ZFPM2: variants seen among roughly 807,000 people sequenced by gnomAD.
ZFPM2 encodes the protein zinc finger protein ZFPM2.
ZFPM2 carries 20 observed loss-of-function variants against 98.6 expected under a neutral mutation model. The observed-to-expected ratio is 0.20, with a 90% CI of 0.14 to 0.29. ZFPM2 has a LOEUF of 0.29. Among genes scored for constraint, ZFPM2 ranks in the 10% least tolerant of loss-of-function variants. The pLI is 1.00. For missense variants in ZFPM2, 1,310 were observed against 1,388.6 expected (o/e 0.94, Z 0.90); for synonymous variants, 518 against 502.7 (o/e 1.03, Z -0.41).
chr8:105,652,590 C>T (rs1245873023), intron 5 of ZFPM2, among the ~76,000 whole-genome samples: 1 of 152,072 alleles, frequency 6.6e-6, no homozygotes, highest in East Asian at 1.9e-4. Context: ...ATCTAGTACT[C>T]ACCATCATTG....
intron 2 of ZFPM2, among the ~76,000 whole-genome samples, chr8:105,438,450 T>C (rs1392618845): frequency 2.6e-5 from 4 of 152,242 alleles, no homozygotes; most frequent in African/African-American, 9.6e-5. Flanking sequence ...CATTTATCAA[T>C]TGAACTGGAT....
chr8:105,749,332 C>T (rs140487515), intron 5 of ZFPM2, among the ~76,000 whole-genome samples: 48 of 152,120 alleles, frequency 3.2e-4, no homozygotes, highest in African/African-American at 1.2e-3. Flanking sequence ...TAAAAAAAGA[C>T]TCCCTTGCAT....
chr8:105,363,270 A>G (rs924945222), intron 1 of ZFPM2, among the ~76,000 whole-genome samples: 4 of 152,180 alleles, frequency 2.6e-5, no homozygotes, highest in Non-Finnish European at 5.9e-5. Flanking sequence ...TGCTAAATAT[A>G]TATTTAATAG....
chr8:105,548,902 G>A (rs1357938067), intron 3 of ZFPM2, among the ~76,000 whole-genome samples: 1 of 152,150 alleles, frequency 6.6e-6, no homozygotes, highest in Non-Finnish European at 1.5e-5. Context: ...GGCATTGTAA[G>A]TGTTTAACAA....
At chr8:105,356,802 T>A (rs781257478) in intron 1 of ZFPM2, among the ~76,000 whole-genome samples, 1 of 152,170 alleles carries the variant, frequency 6.6e-6, no homozygotes, top group Non-Finnish European at 1.5e-5. Flanking sequence ...CCATTTCTAT[T>A]TCTTGCCTGC....
intron 1 of ZFPM2, among the ~76,000 whole-genome samples, chr8:105,380,515 T>G (rs1810825480): frequency 7.1e-6 from 1 of 141,336 alleles, no homozygotes; most frequent in Admixed American, 8.2e-5. Context: ...ATGATACTAC[T>G]ACATATGCAC....
chr8:105,801,651 G>C lies in ZFPM2; in HGVS notation c.1569G>C (p.Leu523=), dbSNP rs920629. The change falls in exon 8 of 8, where the codon CTG becomes CTC. Residue 523 remains leucine (L), a synonymous_variant. Coordinates refer to ENST00000407775, the MANE Select transcript of ZFPM2 (RefSeq NM_012082.4). Reference sequence around the variant, plus strand: ...AGATCTTAGCTAAGATGTCTGAACTGGTGCATCGGCGACTGAGGCATGGCA... The same window carrying C: ...AGATCTTAGCTAAGATGTCTGAACTCGTGCATCGGCGACTGAGGCATGGCA... ...ASEILAKMSE[L]VHRRLRHGSS... is the part of the protein sequence containing the mutation. The C allele has an allele frequency of 1.5e-4, 236 of 1,613,596 alleles. No homozygotes were observed. The African/African-American group carries it at 2.8e-3, about 19-fold the overall frequency.
chr8:105,626,914 T>C (rs534158801), intron 4 of ZFPM2, among the ~76,000 whole-genome samples: 18 of 148,576 alleles, frequency 1.2e-4, no homozygotes, highest in Non-Finnish European at 2.1e-4. Context: ...TGGAGGCCAA[T>C]TTTTTAATCA....
chr8:105,400,591 G>A (rs1811320723), intron 1 of ZFPM2, among the ~76,000 whole-genome samples: 1 of 152,248 alleles, frequency 6.6e-6, no homozygotes, highest in South Asian at 2.1e-4. Flanking sequence ...ATTGCTAAAT[G>A]TACTGGATGG....
intron 6 of ZFPM2, among the ~76,000 whole-genome samples, chr8:105,794,379 T>C (rs1378367474): frequency 3.3e-5 from 5 of 152,190 alleles, no homozygotes; most frequent in Admixed American, 3.3e-4. Flanking sequence ...AGCAGCGGTG[T>C]CTGCAGAACA....
chr8:105,685,495 A>G (rs1337742134), intron 5 of ZFPM2, among the ~76,000 whole-genome samples: 1 of 152,078 alleles, frequency 6.6e-6, no homozygotes, highest in Admixed American at 6.6e-5. Context: ...TATATTTTCT[A>G]CTCAAAAGAT....
chr8:105,673,418 A>G (rs1435687975), intron 5 of ZFPM2, among the ~76,000 whole-genome samples: 1 of 152,132 alleles, frequency 6.6e-6, no homozygotes, highest in Non-Finnish European at 1.5e-5. Flanking sequence ...TAAATCATTC[A>G]TGTTGGCATG....
chr8:105,742,102 G>A (rs1439490648), intron 5 of ZFPM2, among the ~76,000 whole-genome samples: 1 of 151,996 alleles, frequency 6.6e-6, no homozygotes, highest in Non-Finnish European at 1.5e-5. Flanking sequence ...GGGAGGCCAA[G>A]GCAGGATTGG....
At chr8:105,519,408 A>G (rs1814004039) in intron 3 of ZFPM2, among the ~76,000 whole-genome samples, 1 of 152,170 alleles carries the variant, frequency 6.6e-6, no homozygotes, top group Admixed American at 6.5e-5. Flanking sequence ...ATATAATTTT[A>G]AATTATTTGA....
chr8:105,630,817 A>T (rs1244720606), intron 4 of ZFPM2, among the ~76,000 whole-genome samples: 1 of 152,194 alleles, frequency 6.6e-6, no homozygotes, highest in Non-Finnish European at 1.5e-5. Context: ...ATAGCCAACA[A>T]GTAAACCATT....
At chr8:105,340,418 A>G (rs527410113) in intron 1 of ZFPM2, among the ~76,000 whole-genome samples, 21 of 152,080 alleles carry the variant, frequency 1.4e-4, no homozygotes, top group African/African-American at 5.1e-4. Context: ...TACATTTGCT[A>G]TTCCATGCTG....
At chr8:105,397,014 G>T (rs1405785919) in intron 1 of ZFPM2, among the ~76,000 whole-genome samples, 2 of 152,118 alleles carry the variant, frequency 1.3e-5, no homozygotes, top group African/African-American at 4.8e-5. Context: ...TAACACAAAT[G>T]AAACTTCAAA....
chr8:105,348,302 A>T (rs2957451), intron 1 of ZFPM2, among the ~76,000 whole-genome samples: 1 of 152,028 alleles, frequency 6.6e-6, no homozygotes, highest in Admixed American at 6.6e-5. Flanking sequence ...TTGTATAAGA[A>T]GCAGAGACTT....
chr8:105,625,721 A>G (rs1391017104), intron 4 of ZFPM2, among the ~76,000 whole-genome samples: 2 of 151,952 alleles, frequency 1.3e-5, no homozygotes, highest in Non-Finnish European at 2.9e-5. Context: ...CTGGGATTAC[A>G]GGTGCCCACC....
Sources: allele counts gnomAD v4.1 joint callset (sites outside exome capture counted in the v4.1 genomes callset), GRCh38; gene constraint gnomAD v4.1.1; transcripts MANE v1.5; gene names NCBI Gene and HGNC (gene_info 2026-07-23, HGNC 2026-07-21).